CACNA1A: variants seen among roughly 807,000 people sequenced by gnomAD.
The protein encoded by CACNA1A is calcium voltage-gated channel subunit alpha1 A.
CACNA1A carries 57 observed loss-of-function variants against 262.4 expected under a neutral mutation model. That is an observed-to-expected ratio of 0.22 (90% CI 0.18 to 0.27). CACNA1A has a LOEUF of 0.27. Among genes scored for constraint, CACNA1A ranks in the 10% least tolerant of loss-of-function variants. CACNA1A has a pLI of 1.00. For synonymous variants in CACNA1A, 1,431 were observed against 1,419.3 expected, an observed-to-expected ratio of 1.01 and a Z score of -0.18; for missense variants, 2,526 against 3,562.8, an observed-to-expected ratio of 0.71 and a Z score of 7.41.
intron 1 of CACNA1A, among the ~76,000 whole-genome samples, chr19:13,488,390 CTTTTTTTTTTTT>C (rs34348281): frequency 1.3e-5 from 1 of 77,622 alleles, no homozygotes; most frequent in Non-Finnish European, 2.4e-5. Context: ...TTTTTCTTTT[CTTTTTTTTTTTT>C]TTTTTTTTTT....
Position 13,214,156 on chromosome 19 carries a change from T to A in CACNA1A, c.5940+77A>T. On this transcript the variant is annotated intron_variant, in intron 40 of 46. Coordinates refer to ENST00000360228, the MANE Select transcript of CACNA1A (RefSeq NM_001127222.2). The surrounding 1 kb of genome is among the most constrained non-coding windows in gnomAD (Gnocchi z 4.1). ...CTGCCCTGGGGCTCAGCCACCCTCA[T>A]ATTCCAGTTGGTTCCCGTGGTGACA... 1 of 1,210,584 alleles carries A rather than the reference T, an allele frequency of 8.3e-7. No individual in the cohort carries two copies. The allele number at this position is 1,210,584 out of a possible 1,614,324, so 75.0% of individuals were successfully genotyped here.
In CACNA1A at chr19:13,411,684, CTCT is replaced by C. The variant is rs1262927315; in HGVS notation, c.540-39908_540-39906del. Among the ~76,000 whole-genome samples the C allele has an allele frequency of 6.7e-5, 10 of 148,660 alleles. No individual in the cohort carries two copies. In the South Asian group the frequency reaches 2.0e-3, roughly 29 times the overall value. On this transcript the variant is annotated intron_variant, in intron 3 of 46. Transcript: ENST00000360228. ...TTGACTTCCCTCTCTCTCTTTCTCT[CTCT>C]TTCTCCTTCTCTCTCTCTCTCTCTC...
At chr19:13,459,600 G>C (rs908721829) in intron 1 of CACNA1A, among the ~76,000 whole-genome samples, 5 of 152,194 alleles carry the variant, frequency 3.3e-5, no homozygotes, top group African/African-American at 1.2e-4. Flanking sequence ...GCCTCACCCT[G>C]CAGCCTGGAA....
chr19:13,434,151 T>C (rs2060569668), intron 3 of CACNA1A, among the ~76,000 whole-genome samples: 2 of 152,100 alleles, frequency 1.3e-5, no homozygotes, highest in Non-Finnish European at 2.9e-5. Flanking sequence ...GTGTTCACTA[T>C]TGTTGTTGTT....
chr19:13,348,761 G>C (rs1407824339), intron 6 of CACNA1A, among the ~76,000 whole-genome samples: 1 of 152,122 alleles, frequency 6.6e-6, no homozygotes, highest in African/African-American at 2.4e-5. Flanking sequence ...ACTTGAACCT[G>C]GGAGTCAGAG....
intron 3 of CACNA1A, among the ~76,000 whole-genome samples, chr19:13,402,827 T>A (rs183153760): frequency 7.5e-6 from 1 of 134,064 alleles, no homozygotes; most frequent in Admixed American, 8.3e-5. Context: ...TATACACACA[T>A]ATATATACAT....
chr19:13,414,056 T>A (rs138825864), intron 3 of CACNA1A, among the ~76,000 whole-genome samples: 1 of 151,848 alleles, frequency 6.6e-6, no homozygotes, highest in Non-Finnish European at 1.5e-5. Flanking sequence ...GGACCCCATC[T>A]CTACAAAAAA....
intron 24 of CACNA1A, among the ~76,000 whole-genome samples, chr19:13,268,248 G>C (rs2056915628): frequency 6.6e-6 from 1 of 152,144 alleles, no homozygotes. Context: ...CCTGGGGAAA[G>C]CTATCAGCAC....
chr19:13,423,533 A>G (rs1393817920), intron 3 of CACNA1A, among the ~76,000 whole-genome samples: 3 of 151,826 alleles, frequency 2.0e-5, no homozygotes, highest in Non-Finnish European at 4.4e-5. Flanking sequence ...CTTTTTTGAG[A>G]CAAGGTCTTG....
At chr19:13,460,497 C>T (rs10422148) in intron 1 of CACNA1A, among the ~76,000 whole-genome samples, 3 of 151,906 alleles carry the variant, frequency 2.0e-5, no homozygotes, top group Non-Finnish European at 4.4e-5. Context: ...TGTTGGAATG[C>T]GACAAAAGCA....
In CACNA1A at chr19:13,230,177, G is replaced by T; in HGVS notation, c.5433C>A (p.Asp1811Glu). ...MLNLFVAVIM[D>E]NFEYLTRDSS... ...AGTCTCGGGTGAGGTACTCAAAGTT[G>T]TCCATGATGACGGCGACAAAGAGAT... The change falls in exon 36 of 47, where the codon GAC becomes GAA. Residue 1811 changes from aspartate to glutamate, a missense_variant. Around this residue, in one of 17 missense-constraint regions of CACNA1A, gnomAD observed 39 missense variants for 124.9 expected, o/e 0.31. Transcript: ENST00000360228. 1 of 1,613,924 alleles carries T rather than the reference G, an allele frequency of 6.2e-7. No homozygotes were observed. The highest frequency in any genetic ancestry group is 8.5e-7 in the Non-Finnish European group (1 of 1,179,872).
intron 22 of CACNA1A, among the ~76,000 whole-genome samples, chr19:13,278,856 G>A (rs751861362): frequency 2.0e-5 from 3 of 152,178 alleles, no homozygotes; most frequent in Non-Finnish European, 2.9e-5. Context: ...AGAGACCAGA[G>A]TGCCTGGGGT....
Position 13,325,975 on chromosome 19 carries a change from G to T in CACNA1A, c.1345+4269C>A, listed in dbSNP as rs575047458. The stretch of plus-strand genomic sequence containing the variant: ...TACATTGTTATTAATACAGTCGCCA[G>T]GCTGTACAAAATAGATCTCTTGAAC... On this transcript the variant is annotated intron_variant, in intron 10 of 46. Transcript: ENST00000360228. 2.0e-5 allele frequency among the ~76,000 whole-genome samples: 3 copies of T among 152,238 alleles called. No homozygotes were observed. In the South Asian group the frequency reaches 6.2e-4, roughly 32 times the overall value.
intron 3 of CACNA1A, among the ~76,000 whole-genome samples, chr19:13,448,770 T>A (rs1227891406): frequency 6.6e-6 from 1 of 151,976 alleles, no homozygotes; most frequent in Non-Finnish European, 1.5e-5. Flanking sequence ...CTGGAAACAA[T>A]CCAAATAGAT....
intron 35 of CACNA1A, 126 bp from the exon 36 acceptor site, chr19:13,230,335 T>A: frequency 2.2e-6 from 2 of 923,462 alleles, no homozygotes; most frequent in Non-Finnish European, 3.3e-6. Flanking sequence ...GAGGCCCAGA[T>A]GGAGAGAGGG....
chr19:13,403,522 C>A (rs1279350862), intron 3 of CACNA1A, among the ~76,000 whole-genome samples: 6 of 152,082 alleles, frequency 3.9e-5, no homozygotes. Flanking sequence ...AAACCCGGGA[C>A]AAGTGTGAGG....
chr19:13,469,615 ATTTT>A (rs745335031), intron 1 of CACNA1A, among the ~76,000 whole-genome samples: 10 of 133,804 alleles, frequency 7.5e-5, no homozygotes, highest in African/African-American at 2.5e-4. Flanking sequence ...CGCCTGGCTA[ATTTT>A]TTTTTTTTTT....
At chr19:13,288,861 T>C (rs2057467877) in intron 19 of CACNA1A, among the ~76,000 whole-genome samples, 1 of 152,206 alleles carries the variant, frequency 6.6e-6, no homozygotes, top group South Asian at 2.1e-4. Flanking sequence ...AGCACCATTC[T>C]CCTCATTTTA....
intron 21 of CACNA1A, 86 bp downstream of exon 21, chr19:13,284,982 C>T (rs2057368947): frequency 7.4e-7 from 1 of 1,345,176 alleles, no homozygotes. Flanking sequence ...GGTCAACACT[C>T]ACTCATTGCC....
Sources: gnomAD v4.1 joint callset for allele counts (sites outside exome capture counted in the v4.1 genomes callset) on GRCh38, gnomAD v4.1.1 for gene constraint, gnomAD v4.1.1 regional missense constraint, Gnocchi (gnomAD v3.1) non-coding constraint, MANE v1.5 for transcripts, NCBI Gene and HGNC (gene_info 2026-07-23, HGNC 2026-07-21) for gene names.